Variants in LNX1 observed in about 807,000 individuals in gnomAD.
LNX1 encodes the protein ligand of numb-protein X 1.
A neutral mutation model predicts 68.4 loss-of-function variants in LNX1; 54 were observed. That is an observed-to-expected ratio of 0.79 (90% CI 0.63 to 0.99). The LOEUF (loss-of-function observed/expected upper bound fraction) is 0.99, where lower values mean the gene tolerates loss of function less well. Ranked by LOEUF, LNX1 falls within the 50% of genes least tolerant of loss-of-function variation. LNX1 has a pLI of 0.00. For synonymous variants in LNX1, 336 were observed against 350.0 expected (o/e 0.96, Z 0.45); for missense variants, 906 against 926.4 (o/e 0.98, Z 0.29).
At chr4:53,536,353 C>A (rs1421281466) in intron 2 of LNX1, among the ~76,000 whole-genome samples, 1 of 152,066 alleles carries the variant, frequency 6.6e-6, no homozygotes, top group Non-Finnish European at 1.5e-5. Flanking sequence ...GACTTTTACA[C>A]AAACGCCACA....
In LNX1 at chr4:53,573,873, A is replaced by G; in HGVS notation, c.130T>C (p.Cys44Arg). 1 of 1,613,860 alleles carries G rather than the reference A, an allele frequency of 6.2e-7. No individual in the cohort carries two copies. The highest frequency in any genetic ancestry group is 2.2e-5 in the East Asian group (1 of 44,884). ...AGGGGGTCCAGCAAAGCCTGCAGGC[A>G]GATGTGGCAGATGAGGTCATCATCC... ...EVDDDLICHI[C>R]LQALLDPLDT... Residue 44 changes from cysteine to arginine, a missense_variant, in exon 2 of 11, where the codon TGC becomes CGC. By Grantham distance (180) the Cys-to-Arg change is radical. Transcript: ENST00000263925.
intron 1 of LNX1, among the ~76,000 whole-genome samples, chr4:53,625,028 T>C (rs2109864633): frequency 6.6e-6 from 1 of 152,328 alleles, no homozygotes; most frequent in South Asian, 2.1e-4. Flanking sequence ...TATATATTTG[T>C]GATAGATATT....
chr4:53,568,639 A>G (rs1454977412), intron 2 of LNX1, among the ~76,000 whole-genome samples: 1 of 145,826 alleles, frequency 6.9e-6, no homozygotes, highest in Non-Finnish European at 1.5e-5. Flanking sequence ...CCTATTCAAC[A>G]TAGTGTTGGA....
chr4:53,469,129 T>C (rs1579356332), intron 9 of LNX1, among the ~76,000 whole-genome samples: 1 of 152,126 alleles, frequency 6.6e-6, no homozygotes, highest in African/African-American at 2.4e-5. Context: ...ACAGAAATTA[T>C]AACAAACTGT....
At chr4:53,593,346 C>CAG (rs1168180603), upstream of LNX1, among the ~76,000 whole-genome samples, 1 of 152,196 alleles carries the variant, frequency 6.6e-6, no homozygotes, top group East Asian at 1.9e-4. Flanking sequence ...GAGGGGATCA[C>CAG]AGGCTTCGGT....
Position 53,536,976 on chromosome 4 carries a change from T to G in LNX1, c.381-28749A>C, listed in dbSNP as rs77008304. Among the ~76,000 whole-genome samples the G allele has an allele frequency of 3.0e-4, 45 of 152,378 alleles. No individual in the cohort carries two copies. In the East Asian group the frequency reaches 8.1e-3, roughly 27 times the overall value. On this transcript the variant is annotated intron_variant, in intron 2 of 10. Transcript: ENST00000263925. ...ATCTCTGACTTGGTGTTAACAGTGA[T>G]GATTTCTAATTACTTAGGAAAATCT...
chr4:53,640,452 A>G (rs991001260), intron 1 of LNX1, among the ~76,000 whole-genome samples: 2 of 152,208 alleles, frequency 1.3e-5, no homozygotes, highest in African/African-American at 4.8e-5. Context: ...GAGAGAAGGA[A>G]TGAAGAAAGT....
chr4:53,471,091 T>C (rs1723138635), intron 9 of LNX1, among the ~76,000 whole-genome samples: 1 of 108,258 alleles, frequency 9.2e-6, no homozygotes, highest in Admixed American at 9.8e-5. Flanking sequence ...CTTCAAACTA[T>C]ACTACAAGGC....
upstream of LNX1, among the ~76,000 whole-genome samples, chr4:53,620,761 T>C (rs1278459050): frequency 2.0e-5 from 3 of 152,264 alleles, no homozygotes; most frequent in African/African-American, 7.2e-5. Context: ...AAAAGACATT[T>C]CTTTCCTCCC....
At chr4:53,587,615 C>T (rs756387512) in intron 1 of LNX1, among the ~76,000 whole-genome samples, 24 of 152,124 alleles carry the variant, frequency 1.6e-4, no homozygotes, top group Admixed American at 1.0e-3. Context: ...ATCTTACAGA[C>T]GGCATTTCGA....
rs989152693 is a variant in LNX1, at chr4:53,496,210, C to A, written c.1163G>T (p.Ser388Ile). Residue 388 changes from serine (S) to isoleucine (I), a missense_variant, in exon 6 of 11, where the codon AGC (serine) becomes ATC (isoleucine). Ser to Ile is a moderately radical substitution (Grantham distance 142). Coordinates refer to ENST00000263925, the MANE Select transcript of LNX1 (RefSeq NM_001126328.3). ...DSFHVILNKS[S>I]PEEQLGIKLV... ...TTTTATTCCAAGCTGCTCCTCGGGG[C>A]TACTTTTGTTGAGAATCACATGAAA... The A allele has an allele frequency of 2.5e-6, 4 of 1,614,192 alleles. No homozygotes were observed. The African/African-American group carries it at 5.3e-5, about 22-fold the overall frequency.
At chr4:53,638,281 C>T (rs746609645) in intron 1 of LNX1, among the ~76,000 whole-genome samples, 1 of 152,168 alleles carries the variant, frequency 6.6e-6, no homozygotes, top group Non-Finnish European at 1.5e-5. Flanking sequence ...CCTTTCGATA[C>T]TTTAATAATG....
intron 4 of LNX1, chr4:53,500,421 T>C (rs1725388904): frequency 6.6e-6 from 1 of 152,170 alleles, no homozygotes; most frequent in African/African-American, 2.4e-5. Context: ...CCGTAGGTGC[T>C]GACAGCTGCC....
At chr4:53,559,626 C>T (rs1042082591) in intron 2 of LNX1, among the ~76,000 whole-genome samples, 10 of 152,026 alleles carry the variant, frequency 6.6e-5, no homozygotes, top group South Asian at 2.1e-4. Flanking sequence ...AAGGGCTTAA[C>T]GAGTATTAGC....
intron 2 of LNX1, among the ~76,000 whole-genome samples, chr4:53,537,683 C>T (rs1451511539): frequency 2.0e-5 from 3 of 152,198 alleles, no homozygotes; most frequent in African/African-American, 7.2e-5. Flanking sequence ...TGGATGGCCC[C>T]GGGCACCTTC....
chr4:53,619,980 C>T (rs1733809387), upstream of LNX1, among the ~76,000 whole-genome samples: 1 of 152,138 alleles, frequency 6.6e-6, no homozygotes, highest in South Asian at 2.1e-4. Flanking sequence ...AAAAATGCAA[C>T]AGCAGTTTTA....
Position 53,573,937 on chromosome 4 carries a change from G to A in LNX1, c.66C>T (p.Ser22=). 6.2e-7 allele frequency: 1 copy of A among 1,613,770 alleles called. No individual in the cohort carries two copies. ...PLCAVCGQAH[S]LEENHFYSYP... ...AGCTGTAGAAGTGGTTTTCCTCCAA[G>A]GAGTGGGCTTGGCCACACACTGCAC... Residue 22 remains serine (S), a synonymous_variant, in exon 2 of 11, where the codon TCC becomes TCT. Coordinates refer to ENST00000263925, the MANE Select transcript of LNX1 (RefSeq NM_001126328.3).
intron 9 of LNX1, among the ~76,000 whole-genome samples, chr4:53,471,084 C>G (rs1428464171): frequency 1.0e-5 from 1 of 97,716 alleles, no homozygotes; most frequent in South Asian, 3.7e-4. Flanking sequence ...TACCTGACTT[C>G]AAACTATACT....
At chr4:53,556,551 G>C (rs1729926081) in intron 2 of LNX1, among the ~76,000 whole-genome samples, 1 of 152,194 alleles carries the variant, frequency 6.6e-6, no homozygotes, top group South Asian at 2.1e-4. Context: ...CATCCATTGA[G>C]AGAGGAATGA....
Sources: gnomAD v4.1 joint callset for allele counts (sites outside exome capture counted in the v4.1 genomes callset) on GRCh38, gnomAD v4.1.1 for gene constraint, MANE v1.5 for transcripts, NCBI Gene and HGNC (gene_info 2026-07-23, HGNC 2026-07-21) for gene names.